RORA: variants seen among roughly 807,000 people sequenced by gnomAD.
RORA encodes nuclear receptor ROR-alpha.
Under a neutral mutation model 69.5 loss-of-function variants are expected in RORA, and 7 were observed. That is an observed-to-expected ratio of 0.10 (90% CI 0.06 to 0.19). The LOEUF (loss-of-function observed/expected upper bound fraction) is 0.19, where lower values mean the gene tolerates loss of function less well. Ranked by LOEUF, RORA falls within the 10% of genes least tolerant of loss-of-function variation. The pLI is 1.00. For synonymous variants in RORA, 261 were observed against 240.8 expected, an observed-to-expected ratio of 1.08 and a Z score of -0.78; for missense variants, 457 against 663.0, an observed-to-expected ratio of 0.69 and a Z score of 3.41.
intron 1 of RORA, among the ~76,000 whole-genome samples, chr15:60,881,101 C>T (rs2140447164): frequency 6.6e-6 from 1 of 152,372 alleles, no homozygotes; most frequent in East Asian, 1.9e-4. Flanking sequence ...CTTTTCCACA[C>T]TGAGTCTTAT....
chr15:61,011,051 C>T (rs530288845), intron 1 of RORA, among the ~76,000 whole-genome samples: 9 of 152,300 alleles, frequency 5.9e-5, no homozygotes, highest in African/African-American at 2.2e-4. Context: ...AAGTCAAGTG[C>T]GAAGGCAAAG....
At chr15:61,211,162 C>T (rs889670149) in intron 1 of RORA, among the ~76,000 whole-genome samples, 11 of 151,242 alleles carry the variant, frequency 7.3e-5, no homozygotes, top group Non-Finnish European at 2.9e-5. Flanking sequence ...TCAAGAGAAA[C>T]AAAAATGGGA....
At chr15:60,818,531 C>T (rs2072847474) in intron 1 of RORA, among the ~76,000 whole-genome samples, 1 of 152,140 alleles carries the variant, frequency 6.6e-6, no homozygotes, top group African/African-American at 2.4e-5. Context: ...GTTTGAATCC[C>T]ACCTTGCCCA....
chr15:60,808,322 C>T (rs188898168), intron 1 of RORA, among the ~76,000 whole-genome samples: 2 of 152,288 alleles, frequency 1.3e-5, no homozygotes, highest in Admixed American at 1.3e-4. Flanking sequence ...TGCTCATCAT[C>T]ACTAATTATC....
At chr15:61,063,957 G>A (rs145124566) in intron 1 of RORA, among the ~76,000 whole-genome samples, 104 of 152,252 alleles carry the variant, frequency 6.8e-4, no homozygotes, top group African/African-American at 2.2e-3. Context: ...GTGTGGGCAC[G>A]TCAGATCACC....
rs879719236 is a variant in RORA at position 60,627,184 on chromosome 15, G to A, written c.196+51473C>T. On this transcript the variant is annotated intron_variant, in intron 2 of 10. Coordinates refer to ENST00000335670, the MANE Select transcript of RORA (RefSeq NM_134261.3). Reference sequence around the variant, plus strand: ...CAGACATTGGGTTGTGGGTGGTGGGGGGAGGGTACACAGTGATCAGCAGAG... The same window carrying A: ...CAGACATTGGGTTGTGGGTGGTGGGAGGAGGGTACACAGTGATCAGCAGAG... 3.2e-5 allele frequency: 48 copies of A among 1,513,434 alleles called. No homozygotes were observed. In the Admixed American group the frequency reaches 7.7e-4, roughly 24 times the overall value. 93.8% of individuals were successfully genotyped at this position (1,513,434 alleles called of 1,614,324 possible). A position where few individuals can be genotyped will look rare whatever the true frequency, so the allele number is the denominator to read the frequency against.
Position 60,833,151 on chromosome 15 carries a change from G to A in RORA, c.167-154465C>T, listed in dbSNP as rs543290258. Among the ~76,000 whole-genome samples the A allele has an allele frequency of 5.9e-5, 9 of 151,806 alleles. No individual in the cohort carries two copies. In the South Asian group the frequency reaches 8.3e-4, roughly 14 times the overall value. ...GAACTCCTGACCTCATGATCCGCCC[G>A]CCTCGGCCTCTCAAAATGCTGGGAT... On this transcript the variant is annotated intron_variant, in intron 1 of 10. Transcript: ENST00000335670.
chr15:61,103,349 G>A (rs191455666), intron 1 of RORA, among the ~76,000 whole-genome samples: 1 of 152,242 alleles, frequency 6.6e-6, no homozygotes, highest in East Asian at 1.9e-4. Context: ...ATAAATTTAG[G>A]GTTATCCAGG....
At chr15:60,937,728 C>G (rs73432079) in intron 1 of RORA, among the ~76,000 whole-genome samples, 2,423 of 152,178 alleles carry the variant, frequency 0.016, 61 homozygotes, top group African/African-American at 0.055. Flanking sequence ...ACTACTGTTA[C>G]AGTTTGTGTG....
chr15:60,695,476 A>G (rs1555446670), intron 1 of RORA, among the ~76,000 whole-genome samples: 3 of 150,676 alleles, frequency 2.0e-5, no homozygotes, highest in Non-Finnish European at 4.4e-5. Flanking sequence ...TTTCACTTGC[A>G]TTTCACCAGA....
intron 1 of RORA, among the ~76,000 whole-genome samples, chr15:60,962,557 C>T (rs1893444561): frequency 1.3e-5 from 2 of 152,166 alleles, no homozygotes; most frequent in African/African-American, 2.4e-5. Context: ...GAGTTCTAGT[C>T]GAGGCTGGAC....
intron 2 of RORA, among the ~76,000 whole-genome samples, chr15:60,595,371 G>C (rs1294788687): frequency 1.3e-5 from 2 of 152,002 alleles, no homozygotes; most frequent in East Asian, 3.9e-4. Flanking sequence ...AATTAGCCAG[G>C]CGTGGTGGTG....
At chr15:60,601,746 A>T (rs1156905056) in intron 2 of RORA, among the ~76,000 whole-genome samples, 1 of 152,172 alleles carries the variant, frequency 6.6e-6, no homozygotes, top group Admixed American at 6.5e-5. Context: ...ATAGCTTAAT[A>T]ATCTTAAGCA....
chr15:60,885,353 C>T (rs566886398), intron 1 of RORA, among the ~76,000 whole-genome samples: 77 of 152,332 alleles, frequency 5.1e-4, no homozygotes, highest in South Asian at 8.3e-4. Flanking sequence ...CAGCTATCCC[C>T]GCCAGGTTAC....
chr15:60,591,727 C>A (rs1425698919), intron 2 of RORA, among the ~76,000 whole-genome samples: 1 of 152,128 alleles, frequency 6.6e-6, no homozygotes, highest in Non-Finnish European at 1.5e-5. Context: ...CTGGGCCGCC[C>A]AGAGCGTCTT....
intron 1 of RORA, among the ~76,000 whole-genome samples, chr15:61,078,438 A>G (rs1438833931): frequency 6.6e-6 from 1 of 151,764 alleles, no homozygotes; most frequent in Non-Finnish European, 1.5e-5. Context: ...ACCTCAAGTG[A>G]TCCGCTTGCC....
chr15:60,837,410 C>T (rs1157776640), intron 1 of RORA, among the ~76,000 whole-genome samples: 4 of 152,202 alleles, frequency 2.6e-5, no homozygotes, highest in Admixed American at 2.0e-4. Flanking sequence ...TTAATAATTA[C>T]GAAGCAAGAA....
intron 2 of RORA, among the ~76,000 whole-genome samples, chr15:60,624,495 T>TATATATATATATATATAC (rs1274013564): frequency 1.6e-5 from 2 of 124,802 alleles, no homozygotes; most frequent in African/African-American, 3.2e-5. Flanking sequence ...TATATATATA[T>TATATATATATATATATAC]ATTTGCTGTA....
In RORA at chr15:60,511,214, G is replaced by A; in HGVS notation, c.820+12C>T. The stretch of plus-strand genomic sequence containing the variant: ...GAATAGAGCATCCCAGGAGAAGCAT[G>A]CATGCCATTACCTAATTCTGCCATG... On this transcript the variant is annotated intron_variant, in intron 5 of 10. Coordinates refer to ENST00000335670, the MANE Select transcript of RORA (RefSeq NM_134261.3). The surrounding 1 kb of genome is among the most constrained non-coding windows in gnomAD (Gnocchi z 6.4). 6.2e-7 allele frequency: 1 copy of A among 1,603,654 alleles called. No individual in the cohort carries two copies. The highest frequency in any genetic ancestry group is 8.5e-7 in the Non-Finnish European group (1 of 1,174,602).
Sources: gnomAD v4.1 joint callset for allele counts (sites outside exome capture counted in the v4.1 genomes callset) on GRCh38, gnomAD v4.1.1 for gene constraint, Gnocchi (gnomAD v3.1) non-coding constraint, MANE v1.5 for transcripts, NCBI Gene and HGNC (gene_info 2026-07-23, HGNC 2026-07-21) for gene names.